The following PTPN11 variants were observed in gnomAD, a reference collection of about 807,000 sequenced individuals.
PTPN11 encodes the protein tyrosine-protein phosphatase non-receptor type 11.
PTPN11 carries 6 observed loss-of-function variants against 78.8 expected under a neutral mutation model. The observed-to-expected ratio is 0.08, with a 90% CI of 0.04 to 0.15. The LOEUF (loss-of-function observed/expected upper bound fraction) is 0.15, where lower values mean the gene tolerates loss of function less well. Ranked by LOEUF, PTPN11 falls within the 10% of genes least tolerant of loss-of-function variation. PTPN11 has a pLI of 1.00. For missense variants in PTPN11, 386 were observed against 744.8 expected (o/e 0.52, Z 5.61); for synonymous variants, 221 against 263.5 (o/e 0.84, Z 1.56).
At chr12:112,422,883 A>G (rs2037546826) in intron 1 of PTPN11, among the ~76,000 whole-genome samples, 3 of 152,218 alleles carry the variant, frequency 2.0e-5, no homozygotes, top group Admixed American at 2.0e-4. Flanking sequence ...TTGTCCTAGC[A>G]GGCCGTGGTG....
In PTPN11 at chr12:112,418,990, CG is replaced by C; in HGVS notation, c.-120del. 7.8e-7 allele frequency: 1 copy of C among 1,289,976 alleles called. No homozygotes were observed. 79.9% of individuals were successfully genotyped at this position (1,289,976 alleles called of 1,614,324 possible). ...GCCTGGAGGGGGGTCTGTGCGCGGC[CG>C]GCTGGCTCTGCCCCGCGTCCGGTCC... is the stretch of plus-strand genomic sequence containing the variant. On this transcript the variant is annotated 5_prime_UTR_variant, in exon 1 of 16. Coordinates refer to ENST00000351677, the MANE Select transcript of PTPN11 (RefSeq NM_002834.5).
At chr12:112,429,865 G>A (rs543066273) in intron 1 of PTPN11, among the ~76,000 whole-genome samples, 112 of 151,650 alleles carry the variant, frequency 7.4e-4, no homozygotes, top group African/African-American at 2.6e-3. Flanking sequence ...CAAGAATGAG[G>A]GTATTAAAAA....
chr12:112,467,402 G>A (rs11608445), intron 6 of PTPN11, among the ~76,000 whole-genome samples: 2 of 152,146 alleles, frequency 1.3e-5, no homozygotes, highest in Non-Finnish European at 2.9e-5. Flanking sequence ...GAGGGCCTCA[G>A]GAAGCTTCCG....
chr12:112,498,152 CA>C (rs142510351), intron 13 of PTPN11, among the ~76,000 whole-genome samples: 8 of 142,806 alleles, frequency 5.6e-5, no homozygotes, highest in Non-Finnish European at 7.7e-5. Flanking sequence ...GACTTCGTGT[CA>C]AAAAAAAAAC....
chr12:112,505,681 A>C (rs923597653), intron 15 of PTPN11, 144 bp from the exon 16 acceptor site: 2 of 151,680 alleles, frequency 1.3e-5, no homozygotes, highest in African/African-American at 2.4e-5. Flanking sequence ...AAAAAAAAAA[A>C]CTCAGTGTCA....
intron 6 of PTPN11, among the ~76,000 whole-genome samples, chr12:112,465,782 C>T (rs1449035306): frequency 2.0e-5 from 3 of 152,178 alleles, no homozygotes; most frequent in East Asian, 1.9e-4. Flanking sequence ...CTCATTGACT[C>T]GGATGCCATC....
chr12:112,486,190 G>T (rs1055640567), intron 10 of PTPN11, among the ~76,000 whole-genome samples: 1 of 152,076 alleles, frequency 6.6e-6, no homozygotes, highest in Non-Finnish European at 1.5e-5. Context: ...GGGGAATAGG[G>T]ATGTTACCTG....
chr12:112,482,388 C>T lies in PTPN11; in HGVS notation c.1224+183C>T, dbSNP rs1218598551. Among the ~76,000 whole-genome samples, 1 of 152,178 alleles carries T rather than the reference C, an allele frequency of 6.6e-6. No individual in the cohort carries two copies. Among genetic ancestry groups the T allele is most frequent in the Non-Finnish European group, 1.5e-5 (1 of 68,026 alleles). Reference sequence around the variant, plus strand: ...TTAAGCAGTACTGGTACATTGTGAACAAGGCAGGTAGTGTTCCTGCCCTCA... The same window carrying T: ...TTAAGCAGTACTGGTACATTGTGAATAAGGCAGGTAGTGTTCCTGCCCTCA... On this transcript the variant is annotated intron_variant, in intron 10 of 15. Coordinates refer to ENST00000351677, the MANE Select transcript of PTPN11 (RefSeq NM_002834.5). The surrounding 1 kb of genome is among the most constrained non-coding windows in gnomAD (Gnocchi z 4.4).
intron 3 of PTPN11, 125 bp from the exon 4 acceptor site, chr12:112,453,070 C>T (rs1051537416): frequency 4.8e-6 from 4 of 829,466 alleles, no homozygotes; most frequent in African/African-American, 3.4e-5. Context: ...TTGATCAATC[C>T]CTTGGAGGAA....
At chr12:112,486,809 T>C in intron 11 of PTPN11, 180 bp downstream of exon 11, 6 of 1,466,994 alleles carry the variant, frequency 4.1e-6, no homozygotes, top group South Asian at 1.4e-5. Context: ...TCCTAGACCC[T>C]ACAGCACTGC....
At chr12:112,500,345 A>G (rs1187579719) in intron 13 of PTPN11, among the ~76,000 whole-genome samples, 2 of 152,214 alleles carry the variant, frequency 1.3e-5, no homozygotes, top group African/African-American at 4.8e-5. Context: ...TTCTTATATA[A>G]GCAAAGATTT....
intron 13 of PTPN11, among the ~76,000 whole-genome samples, chr12:112,496,551 T>C (rs1035797436): frequency 3.3e-5 from 5 of 152,128 alleles, no homozygotes; most frequent in African/African-American, 1.2e-4. Context: ...CATCTATATA[T>C]ATATTAAGCT....
chr12:112,492,394 T>C (rs536330341), intron 13 of PTPN11, among the ~76,000 whole-genome samples: 48 of 152,266 alleles, frequency 3.2e-4, no homozygotes, highest in Non-Finnish European at 4.0e-4. Context: ...TACATTTTTT[T>C]TTTAGGAACA....
intron 1 of PTPN11, among the ~76,000 whole-genome samples, chr12:112,433,083 A>G (rs1319360270): frequency 1.3e-5 from 2 of 151,148 alleles, no homozygotes; most frequent in Non-Finnish European, 3.0e-5. Flanking sequence ...CTGGTCTTGA[A>G]CTCCTGACCT....
At chr12:112,423,830 TC>T (rs2037562447) in intron 1 of PTPN11, among the ~76,000 whole-genome samples, 1 of 144,620 alleles carries the variant, frequency 6.9e-6, no homozygotes, top group Non-Finnish European at 1.5e-5. Flanking sequence ...CACTGCAGCC[TC>T]GACCTCCTGG....
intron 6 of PTPN11, among the ~76,000 whole-genome samples, chr12:112,460,896 C>T (rs1277187518): frequency 2.0e-5 from 3 of 152,082 alleles, no homozygotes; most frequent in Non-Finnish European, 4.4e-5. Flanking sequence ...GATGCCCCTT[C>T]CATCTCTCTT....
Position 112,450,325 on chromosome 12 carries a change from G to A in PTPN11, c.145G>A (p.Gly49Arg), listed in dbSNP as rs2135861867. 6.2e-7 allele frequency: 1 copy of A among 1,607,836 alleles called. No homozygotes were observed. The highest frequency in any genetic ancestry group is 2.2e-5 in the East Asian group (1 of 44,838). The change falls in exon 3 of 16, where the codon GGA becomes AGA. Residue 49 changes from glycine to arginine, a missense_variant. This residue lies in a region of PTPN11 where 279 missense variants were observed against 503.3 expected (regional missense o/e 0.55). Transcript: ENST00000351677. ...TCCAATGGACTATTTTAGAAGAAAT[G>A]GAGCTGTCACCCACATCAAGATTCA... ...GDFTLSVRRN[G>R]AVTHIKIQNT...
intron 1 of PTPN11, among the ~76,000 whole-genome samples, chr12:112,426,937 A>G (rs1338556848): frequency 2.0e-5 from 3 of 152,148 alleles, no homozygotes; most frequent in Non-Finnish European, 4.4e-5. Context: ...GCACCTGGCC[A>G]GCGATCCTTA....
intron 6 of PTPN11, among the ~76,000 whole-genome samples, chr12:112,470,914 G>T (rs755270876): frequency 6.6e-6 from 1 of 152,122 alleles, no homozygotes; most frequent in East Asian, 1.9e-4. Flanking sequence ...GTATTGCTTG[G>T]TAAGACTGGC....
Sources: allele counts gnomAD v4.1 joint callset (sites outside exome capture counted in the v4.1 genomes callset), GRCh38; gene constraint gnomAD v4.1.1; regional missense constraint gnomAD v4.1.1; non-coding constraint Gnocchi (gnomAD v3.1); transcripts MANE v1.5; gene names NCBI Gene and HGNC (gene_info 2026-07-23, HGNC 2026-07-21).